Variants in SUGCT observed in about 807,000 individuals in gnomAD.
SUGCT encodes succinyl-CoA:glutarate-CoA transferase.
Under a neutral mutation model 55.0 loss-of-function variants are expected in SUGCT, and 41 were observed. The ratio of observed to expected loss-of-function variants is 0.74; its 90% confidence interval spans 0.58 to 0.97. The LOEUF (loss-of-function observed/expected upper bound fraction) is 0.97. SUGCT is among the 50% of genes least tolerant of loss of function. SUGCT has a pLI of 0.00. For missense variants in SUGCT, 568 were observed against 547.8 expected (o/e 1.04, Z -0.37); for synonymous variants, 187 against 200.4 (o/e 0.93, Z 0.56).
chr7:40,458,011 G>C (rs544442912), intron 10 of SUGCT, among the ~76,000 whole-genome samples: 2 of 152,256 alleles, frequency 1.3e-5, no homozygotes, highest in South Asian at 4.1e-4. Flanking sequence ...GAATAATGCA[G>C]TCTTTATTAT....
At chr7:40,955,782 T>C in the SUGCT span, among the ~76,000 whole-genome samples, 2 of 152,222 alleles carry the variant, frequency 1.3e-5, no homozygotes, top group African/African-American at 4.8e-5. Flanking sequence ...TAAATAGCTC[T>C]TATTATTTTG....
At chr7:40,711,692 T>A (rs1785731718) in intron 12 of SUGCT, among the ~76,000 whole-genome samples, 2 of 152,224 alleles carry the variant, frequency 1.3e-5, no homozygotes, top group East Asian at 3.9e-4. Flanking sequence ...AGTTCGCTGC[T>A]CCCTATGGAA....
intron 13 of SUGCT, among the ~76,000 whole-genome samples, chr7:40,821,358 C>CCT (rs1372522353): frequency 2.0e-5 from 3 of 152,160 alleles, no homozygotes; most frequent in African/African-American, 7.2e-5. Flanking sequence ...CCTCCTCGTA[C>CCT]CTCTGGTAGA....
At chr7:40,572,065 C>T (rs1796480782) in intron 12 of SUGCT, among the ~76,000 whole-genome samples, 1 of 152,062 alleles carries the variant, frequency 6.6e-6, no homozygotes, top group Non-Finnish European at 1.5e-5. Context: ...GACAGCTGTC[C>T]CGAATGTGGC....
At chr7:40,198,622 AG>A (rs1358510159) in intron 6 of SUGCT, among the ~76,000 whole-genome samples, 2 of 142,254 alleles carry the variant, frequency 1.4e-5, no homozygotes, top group Non-Finnish European at 2.9e-5. Flanking sequence ...GCACTTTGAG[AG>A]GCCGAGGCGG....
intron 11 of SUGCT, among the ~76,000 whole-genome samples, chr7:40,478,095 G>A (rs918042381): frequency 6.6e-6 from 1 of 152,034 alleles, no homozygotes; most frequent in Non-Finnish European, 1.5e-5. Flanking sequence ...TGGGCTCAAG[G>A]GATCCTCCTG....
At chr7:40,801,988 C>G (rs1374746848) in intron 13 of SUGCT, among the ~76,000 whole-genome samples, 1 of 151,790 alleles carries the variant, frequency 6.6e-6, no homozygotes, top group Admixed American at 6.6e-5. Flanking sequence ...CACCGAGAAA[C>G]CCAGTCATTA....
chr7:40,315,112 TA>T (rs60007130), intron 8 of SUGCT, among the ~76,000 whole-genome samples: 85,337 of 151,900 alleles, frequency 0.56, 25,339 homozygotes, highest in Non-Finnish European at 0.67. Flanking sequence ...TCTGCTTTTT[TA>T]AAAAAAATTT....
At chr7:40,955,014 A>T in the SUGCT span, among the ~76,000 whole-genome samples, 2 of 152,194 alleles carry the variant, frequency 1.3e-5, no homozygotes, top group East Asian at 3.8e-4. Flanking sequence ...TTTTGGTACC[A>T]GTACCAAGCT....
chr7:40,916,416 C>T, the SUGCT span, among the ~76,000 whole-genome samples: 3 of 152,178 alleles, frequency 2.0e-5, no homozygotes, highest in African/African-American at 7.2e-5. Context: ...AGGAAAGACT[C>T]TCACTAGTTA....
At chr7:40,832,768 A>G (rs886232911) in intron 13 of SUGCT, among the ~76,000 whole-genome samples, 7 of 149,978 alleles carry the variant, frequency 4.7e-5, no homozygotes, top group Non-Finnish European at 8.9e-5. Context: ...TCCGCCTCCC[A>G]GGTTCACGCC....
At chr7:40,768,822 C>T (rs1250271473) in intron 13 of SUGCT, among the ~76,000 whole-genome samples, 1 of 152,204 alleles carries the variant, frequency 6.6e-6, no homozygotes, top group Non-Finnish European at 1.5e-5. Context: ...CCTCCAAACA[C>T]CAGTACCCTG....
chr7:40,297,115 A>G (rs1007540569), intron 8 of SUGCT, among the ~76,000 whole-genome samples: 1 of 152,136 alleles, frequency 6.6e-6, no homozygotes, highest in African/African-American at 2.4e-5. Flanking sequence ...TATTATTATT[A>G]CCACTACCTT....
At chr7:40,890,854 C>A in the SUGCT span, among the ~76,000 whole-genome samples, 2 of 152,112 alleles carry the variant, frequency 1.3e-5, no homozygotes, top group Non-Finnish European at 2.9e-5. Context: ...ACAAAGGATT[C>A]AAACTAATTG....
chr7:40,856,544 C>A (rs1794176699), intron 13 of SUGCT, among the ~76,000 whole-genome samples: 1 of 152,052 alleles, frequency 6.6e-6, no homozygotes, highest in African/African-American at 2.4e-5. Context: ...ACAGAGGTAA[C>A]CCTTGGAAGC....
rs545755921 is a variant in SUGCT, at chr7:40,178,086, C to G, written c.101-2861C>G. 4.6e-5 allele frequency among the ~76,000 whole-genome samples: 7 copies of G among 152,316 alleles called. No homozygotes were observed. The South Asian group carries it at 1.5e-3, about 32-fold the overall frequency. ...TTTAATAGTTTGTTTGAATCAGGCT[C>G]TAAGTGAGGCTCATATACTGCGGTT... On this transcript the variant is annotated intron_variant, in intron 1 of 13. Coordinates refer to ENST00000335693, the MANE Select transcript of SUGCT (RefSeq NM_001193313.2).
At chr7:40,188,452 A>AAC (rs1562563136) in intron 3 of SUGCT, 43 bp from the exon 4 acceptor site, 5 of 1,350,886 alleles carry the variant, frequency 3.7e-6, no homozygotes, top group South Asian at 1.3e-5. Context: ...AAAAAAAAAA[A>AAC]AAACAAACCC....
intron 6 of SUGCT, among the ~76,000 whole-genome samples, chr7:40,220,722 C>G (rs1787972099): frequency 1.3e-5 from 2 of 152,268 alleles, no homozygotes; most frequent in South Asian, 4.1e-4. Context: ...CCAGCCTCAC[C>G]TTAAGTTTCT....
At chr7:40,491,658 TC>T (rs1202692352) in intron 11 of SUGCT, among the ~76,000 whole-genome samples, 1 of 134,948 alleles carries the variant, frequency 7.4e-6, no homozygotes, top group African/African-American at 3.3e-5. Context: ...ACTGGGAGTG[TC>T]AAAAAAAAAA....
Sources: gnomAD v4.1 joint callset for allele counts (sites outside exome capture counted in the v4.1 genomes callset) on GRCh38, gnomAD v4.1.1 for gene constraint, MANE v1.5 for transcripts, NCBI Gene and HGNC (gene_info 2026-07-23, HGNC 2026-07-21) for gene names.